Variants in EYS observed in about 807,000 individuals in gnomAD.
EYS encodes protein eyes shut homolog.
A neutral mutation model predicts 282.1 loss-of-function variants in EYS; 250 were observed. The ratio of observed to expected loss-of-function variants is 0.89; its 90% CI spans 0.80 to 0.98. EYS has a LOEUF of 0.98. EYS is among the 50% of genes least tolerant of loss of function. The probability of loss-of-function intolerance (pLI) is 0.00; values close to 1 mark genes in which losing one functional copy is unlikely to be tolerated. For synonymous variants in EYS, 1,355 were observed against 1,282.9 expected (o/e 1.06, Z -1.20); for missense variants, 4,016 against 3,709.0 (o/e 1.08, Z -2.15).
At chr6:64,825,753 A>G (rs1237112889) in intron 19 of EYS, among the ~76,000 whole-genome samples, 2 of 151,904 alleles carry the variant, frequency 1.3e-5, no homozygotes, top group Non-Finnish European at 2.9e-5. Context: ...GTGTGAAAAA[A>G]GACACACAGT....
At chr6:64,015,507 G>GAAGAAAAA (rs1768849390) in intron 33 of EYS, among the ~76,000 whole-genome samples, 1 of 151,796 alleles carries the variant, frequency 6.6e-6, no homozygotes, top group South Asian at 2.1e-4. Flanking sequence ...GCAAAAAATA[G>GAAGAAAAA]AAGAAAAAAA....
chr6:65,147,594 A>C (rs2150212883), intron 12 of EYS, among the ~76,000 whole-genome samples: 1 of 152,154 alleles, frequency 6.6e-6, no homozygotes, highest in South Asian at 2.1e-4. Context: ...TCTTGATATT[A>C]ATGTTGTCAC....
chr6:64,796,942 G>A (rs144555203), intron 22 of EYS, among the ~76,000 whole-genome samples: 22 of 152,080 alleles, frequency 1.4e-4, no homozygotes, highest in African/African-American at 4.1e-4. Context: ...ATTTTTCTCC[G>A]GCGGGTGGTG....
chr6:63,995,682 A>G (rs1042474874), intron 34 of EYS, among the ~76,000 whole-genome samples: 3 of 152,060 alleles, frequency 2.0e-5, no homozygotes, highest in African/African-American at 7.2e-5. Flanking sequence ...ATGTCCATTA[A>G]TGGATGAATG....
chr6:64,856,798 A>G (rs1766077346), intron 19 of EYS, among the ~76,000 whole-genome samples: 1 of 151,864 alleles, frequency 6.6e-6, no homozygotes, highest in African/African-American at 2.4e-5. Context: ...TTCTTCTCTC[A>G]TGGATCAAGC....
chr6:64,528,912 T>A (rs146277505), intron 26 of EYS, among the ~76,000 whole-genome samples: 3 of 152,048 alleles, frequency 2.0e-5, no homozygotes, highest in African/African-American at 7.2e-5. Context: ...CAAAAAGATA[T>A]GGAAATTTGT....
chr6:64,125,154 G>GCGCGCGCGCGCGCGCGCTCTCTCTC (rs1773724746), intron 31 of EYS, among the ~76,000 whole-genome samples: 4 of 145,264 alleles, frequency 2.8e-5, no homozygotes, highest in African/African-American at 1.0e-4. Context: ...CACACTCTCT[G>GCGCGCGCGCGCGCGCGCTCTCTCTC]TCTCTCTCTC....
chr6:64,324,981 A>G (rs1770357042), intron 29 of EYS, among the ~76,000 whole-genome samples: 1 of 152,234 alleles, frequency 6.6e-6, no homozygotes, highest in South Asian at 2.1e-4. Context: ...AAATGAATGG[A>G]AAAATGTTCC....
intron 31 of EYS, among the ~76,000 whole-genome samples, chr6:64,182,817 T>C (rs1357869565): frequency 6.6e-6 from 1 of 152,138 alleles, no homozygotes; most frequent in Non-Finnish European, 1.5e-5. Context: ...CACCAACTGG[T>C]ACACACTTTC....
chr6:65,247,573 A>C (rs1422416660), intron 12 of EYS, among the ~76,000 whole-genome samples: 2 of 152,110 alleles, frequency 1.3e-5, no homozygotes, highest in African/African-American at 4.8e-5. Flanking sequence ...AAGAACTCAT[A>C]ATTATTTGAA....
chr6:64,056,269 C>G (rs995513481), intron 33 of EYS, among the ~76,000 whole-genome samples: 1 of 152,140 alleles, frequency 6.6e-6, no homozygotes, highest in South Asian at 2.1e-4. Context: ...GTTTCAGGGG[C>G]TGAGAATACA....
intron 22 of EYS, among the ~76,000 whole-genome samples, chr6:64,791,266 T>C (rs1459130055): frequency 6.6e-6 from 1 of 151,848 alleles, no homozygotes; most frequent in East Asian, 1.9e-4. Flanking sequence ...TACATTCTAA[T>C]GACTTTTAAT....
intron 36 of EYS, among the ~76,000 whole-genome samples, chr6:63,853,968 A>G (rs1448109191): frequency 6.6e-6 from 1 of 152,094 alleles, no homozygotes; most frequent in East Asian, 1.9e-4. Context: ...GTTGCTGGAG[A>G]GGATTTAGAG....
chr6:64,428,571 T>G (rs906710186), intron 28 of EYS, among the ~76,000 whole-genome samples: 1 of 152,144 alleles, frequency 6.6e-6, no homozygotes, highest in African/African-American at 2.4e-5. Flanking sequence ...AGTGGATACC[T>G]GTTGAAGCCT....
At chr6:64,595,821 G>A (rs1469288884) in intron 24 of EYS, among the ~76,000 whole-genome samples, 1 of 152,084 alleles carries the variant, frequency 6.6e-6, no homozygotes, top group African/African-American at 2.4e-5. Context: ...CATGGTTATG[G>A]AGCAGAAGAA....
intron 19 of EYS, among the ~76,000 whole-genome samples, chr6:64,881,331 G>A (rs1012896289): frequency 5.9e-5 from 9 of 151,732 alleles, no homozygotes; most frequent in Non-Finnish European, 8.9e-5. Context: ...ACTAAGTGCC[G>A]AATGATGTTG....
chr6:65,130,780 A>T (rs6902303), intron 12 of EYS, among the ~76,000 whole-genome samples: 5,971 of 150,984 alleles, frequency 0.04, 201 homozygotes, highest in African/African-American at 0.092. Context: ...CAAACGGCAC[A>T]TGTACCCTGG....
chr6:64,501,213 C>G (rs958555307), intron 26 of EYS, among the ~76,000 whole-genome samples: 1 of 151,670 alleles, frequency 6.6e-6, no homozygotes, highest in African/African-American at 2.4e-5. Context: ...GGCGTATTGT[C>G]TTTTCTATAA....
chr6:65,190,796 A>G (rs1765623817), intron 12 of EYS, among the ~76,000 whole-genome samples: 1 of 151,856 alleles, frequency 6.6e-6, no homozygotes, highest in Non-Finnish European at 1.5e-5. Context: ...ATCTGCATGT[A>G]TCACATCTTA....
Sources: allele counts gnomAD v4.1 joint callset (sites outside exome capture counted in the v4.1 genomes callset), GRCh38; gene constraint gnomAD v4.1.1; transcripts MANE v1.5; gene names NCBI Gene and HGNC (gene_info 2026-07-23, HGNC 2026-07-21).